The following AXDND1 variants were observed in gnomAD, a reference collection of about 807,000 sequenced individuals.
AXDND1 encodes axonemal dynein light chain domain-containing protein 1.
A neutral mutation model predicts 137.5 loss-of-function variants in AXDND1; 110 were observed. That is an observed-to-expected ratio of 0.80 (90% confidence interval 0.69 to 0.94). The LOEUF is 0.94. AXDND1 is among the 40% of genes least tolerant of loss of function. AXDND1 has a pLI of 0.00. For missense variants in AXDND1, 1,191 were observed against 1,169.8 expected (o/e 1.02, Z -0.26); for synonymous variants, 414 against 399.7 (o/e 1.04, Z -0.43).
intron 4 of AXDND1, among the ~76,000 whole-genome samples, chr1:179,374,379 A>C (rs980469776): frequency 6.6e-6 from 1 of 152,170 alleles, no homozygotes; most frequent in Admixed American, 6.5e-5. Flanking sequence ...TGTTGGTGGG[A>C]GGATAAACTA....
At chr1:179,463,605 G>A (rs1662688146) in intron 16 of AXDND1, among the ~76,000 whole-genome samples, 1 of 152,182 alleles carries the variant, frequency 6.6e-6, no homozygotes, top group Non-Finnish European at 1.5e-5. Context: ...GTTGATTTGG[G>A]GTGGAGAGTT....
chr1:179,488,051 G>GTTTT (rs68123025), intron 18 of AXDND1, among the ~76,000 whole-genome samples: 1 of 138,202 alleles, frequency 7.2e-6, no homozygotes, highest in Admixed American at 7.1e-5. Context: ...TTATGCAAAG[G>GTTTT]TTTTTTTTAA....
At chr1:179,474,041 T>C (rs972204789) in intron 17 of AXDND1, among the ~76,000 whole-genome samples, 2 of 152,028 alleles carry the variant, frequency 1.3e-5, no homozygotes, top group Non-Finnish European at 2.9e-5. Flanking sequence ...CTGGCCAACA[T>C]GGTGAAACCC....
At chr1:179,441,559 G>A (rs1658990810) in intron 15 of AXDND1, among the ~76,000 whole-genome samples, 1 of 152,176 alleles carries the variant, frequency 6.6e-6, no homozygotes, top group African/African-American at 2.4e-5. Flanking sequence ...GCATTTCTGC[G>A]GCCACGGTAT....
At chr1:179,457,110 G>A in intron 16 of AXDND1, 1 of 1,171,376 alleles carries the variant, frequency 8.5e-7, no homozygotes, top group Non-Finnish European at 1.3e-6. Context: ...ACCTTTTGTG[G>A]CCTTGCATTC....
At chr1:179,540,954 C>T (rs1295171691) in intron 25 of AXDND1, among the ~76,000 whole-genome samples, 2 of 152,296 alleles carry the variant, frequency 1.3e-5, no homozygotes, top group East Asian at 1.9e-4. Flanking sequence ...TTGAGCTTCT[C>T]AATGGGTTTG....
chr1:179,489,299 C>T (rs540109859), intron 18 of AXDND1, among the ~76,000 whole-genome samples: 6 of 152,072 alleles, frequency 3.9e-5, no homozygotes, highest in African/African-American at 1.4e-4. Flanking sequence ...ATTTTAAATT[C>T]ACCTATGATT....
At chr1:179,527,319 C>A (rs904276845) in intron 22 of AXDND1, among the ~76,000 whole-genome samples, 1 of 152,092 alleles carries the variant, frequency 6.6e-6, no homozygotes, top group Non-Finnish European at 1.5e-5. Flanking sequence ...GGGTTTTGAC[C>A]GGCTTCTTTA....
chr1:179,533,669 CT>C, intron 23 of AXDND1, 125 bp from the exon 24 acceptor site: 1 of 483,434 alleles, frequency 2.1e-6, no homozygotes. Flanking sequence ...GCTTAACCAT[CT>C]ATTAGATAGA....
chr1:179,434,125 T>C (rs575493035), intron 15 of AXDND1, among the ~76,000 whole-genome samples: 3 of 152,296 alleles, frequency 2.0e-5, no homozygotes, highest in African/African-American at 7.2e-5. Context: ...TTGTCTTTTT[T>C]GATCTTTGTT....
intron 20 of AXDND1, among the ~76,000 whole-genome samples, chr1:179,508,888 A>G (rs1239404661): frequency 6.6e-6 from 1 of 152,230 alleles, no homozygotes; most frequent in Non-Finnish European, 1.5e-5. Flanking sequence ...ATGAGTTAAT[A>G]TATGCATAAT....
In AXDND1 at chr1:179,445,041, T is replaced by C. The variant is rs763001986; in HGVS notation, c.1635T>C (p.Ile545=). 4 of 1,613,370 alleles carry C rather than the reference T, an allele frequency of 2.5e-6. No individual in the cohort carries two copies. In the African/African-American group the frequency reaches 5.3e-5, roughly 22 times the overall value. The part of the protein sequence containing the change: ...LLSKYDTLKI[I]KHLQENWADI... ...CAAAATACGATACTCTCAAGATTATTAAACATTTACAGGAAAACTGGGCAG... is the reference window on the plus strand; with the variant it reads ...CAAAATACGATACTCTCAAGATTATCAAACATTTACAGGAAAACTGGGCAG... Residue 545 remains isoleucine, a synonymous_variant, in exon 16 of 26, where the codon ATT becomes ATC. Transcript: ENST00000367618.
chr1:179,503,997 A>T (rs1407836855), intron 20 of AXDND1, among the ~76,000 whole-genome samples: 1 of 152,216 alleles, frequency 6.6e-6, no homozygotes, highest in Non-Finnish European at 1.5e-5. Flanking sequence ...CTTATGTATT[A>T]ATATATAGGT....
At chr1:179,479,538 G>A (rs138916573) in intron 17 of AXDND1, among the ~76,000 whole-genome samples, 4,403 of 151,764 alleles carry the variant, frequency 0.029, 243 homozygotes, top group African/African-American at 0.1. Context: ...AGCACTTTGG[G>A]AGGCTGAGGT....
At chr1:179,530,697 A>G (rs1670964563) in intron 23 of AXDND1, among the ~76,000 whole-genome samples, 1 of 152,196 alleles carries the variant, frequency 6.6e-6, no homozygotes, top group Admixed American at 6.5e-5. Flanking sequence ...ACAGATCACT[A>G]AAGACCAAAC....
At chr1:179,464,976 A>G (rs1314862131) in intron 16 of AXDND1, among the ~76,000 whole-genome samples, 4 of 152,106 alleles carry the variant, frequency 2.6e-5, no homozygotes, top group African/African-American at 9.7e-5. Flanking sequence ...AGGTCACTTA[A>G]GGTCTTCTGT....
intron 12 of AXDND1, among the ~76,000 whole-genome samples, chr1:179,412,929 CTT>C (rs930033177): frequency 6.6e-6 from 1 of 152,086 alleles, no homozygotes; most frequent in African/African-American, 2.4e-5. Context: ...CATATATACC[CTT>C]TATTGGGTTG....
chr1:179,432,859 C>T (rs979194631), intron 15 of AXDND1, among the ~76,000 whole-genome samples: 24 of 151,472 alleles, frequency 1.6e-4, no homozygotes, highest in African/African-American at 5.6e-4. Flanking sequence ...GCCGAGATTG[C>T]ACCACTGCAC....
intron 16 of AXDND1, among the ~76,000 whole-genome samples, chr1:179,461,504 A>G (rs144655323): frequency 0.062 from 9,407 of 151,678 alleles, 351 homozygotes; most frequent in Non-Finnish European, 0.069. Context: ...AGCTTTGTTC[A>G]TTTTGCTTAG....
Sources: gnomAD v4.1 joint callset for allele counts (sites outside exome capture counted in the v4.1 genomes callset) on GRCh38, gnomAD v4.1.1 for gene constraint, MANE v1.5 for transcripts, NCBI Gene and HGNC (gene_info 2026-07-23, HGNC 2026-07-21) for gene names.